RORA: variants seen among roughly 807,000 people sequenced by gnomAD.
RORA encodes nuclear receptor ROR-alpha.
In RORA, 7 loss-of-function variants were observed where a neutral mutation model predicts 69.5. That is an observed-to-expected ratio of 0.10 (90% CI 0.06 to 0.19). The LOEUF is 0.19. Among genes scored for constraint, RORA ranks in the 10% least tolerant of loss-of-function variants. The pLI is 1.00. For missense variants in RORA, 457 were observed against 663.0 expected (o/e 0.69, Z 3.41); for synonymous variants, 261 against 240.8 (o/e 1.08, Z -0.78).
intron 1 of RORA, among the ~76,000 whole-genome samples, chr15:60,862,410 C>T (rs1430012065): frequency 6.6e-6 from 1 of 152,148 alleles, no homozygotes; most frequent in African/African-American, 2.4e-5. Context: ...GCAAGGAAGC[C>T]AATTACCCAG....
chr15:61,190,817 G>C (rs1323079332), intron 1 of RORA, among the ~76,000 whole-genome samples: 1 of 152,174 alleles, frequency 6.6e-6, no homozygotes, highest in East Asian at 1.9e-4. Context: ...GTATATTACA[G>C]AATGCTTGCA....
intron 3 of RORA, chr15:60,520,221 A>C (rs944358442): frequency 6.6e-6 from 1 of 152,164 alleles, no homozygotes; most frequent in Non-Finnish European, 1.5e-5. Context: ...TCATACCCAC[A>C]AGGAGAACTA....
rs1233218651 is a variant in RORA at position 61,128,386 on chromosome 15, A to G, written c.166+100667T>C. On this transcript the variant is annotated intron_variant, in intron 1 of 10. Transcript: ENST00000335670. The surrounding 1 kb of genome is among the most constrained non-coding windows in gnomAD (Gnocchi z 4.5). ...ATAAACTTAAAATCAGTCACATGAA[A>G]TGTGCAGGATCTCAAATGATGCTGT... Among the ~76,000 whole-genome samples the G allele has an allele frequency of 6.6e-6, 1 of 152,224 alleles. No individual in the cohort carries two copies. Among genetic ancestry groups the G allele is most frequent in the Non-Finnish European group, 1.5e-5 (1 of 68,048 alleles).
chr15:60,828,414 C>CAAGGG, intron 1 of RORA, among the ~76,000 whole-genome samples: 1 of 152,184 alleles, frequency 6.6e-6, no homozygotes, highest in Non-Finnish European at 1.5e-5. Context: ...ATGAGGAGGA[C>CAAGGG]AAGGGAAGGG....
chr15:60,632,413 C>T (rs1419953994), intron 2 of RORA, among the ~76,000 whole-genome samples: 2 of 152,084 alleles, frequency 1.3e-5, no homozygotes, highest in African/African-American at 4.8e-5. Flanking sequence ...GGCCTCACTA[C>T]CTATGTATTT....
At chr15:60,722,276 A>G (rs2071303963) in intron 1 of RORA, among the ~76,000 whole-genome samples, 1 of 152,266 alleles carries the variant, frequency 6.6e-6, no homozygotes, top group Non-Finnish European at 1.5e-5. Flanking sequence ...ATGTCATTAA[A>G]GAACTGAGCT....
At chr15:61,097,819 T>C (rs1379395242) in intron 1 of RORA, among the ~76,000 whole-genome samples, 11 of 152,186 alleles carry the variant, frequency 7.2e-5, no homozygotes, top group Non-Finnish European at 1.0e-4. Flanking sequence ...CAATGTACCA[T>C]TGCAGCTTTT....
chr15:60,739,692 C>T (rs2071548717), intron 1 of RORA, among the ~76,000 whole-genome samples: 1 of 152,124 alleles, frequency 6.6e-6, no homozygotes, highest in Non-Finnish European at 1.5e-5. Flanking sequence ...TACAAGTGCC[C>T]TGCCTCGGGG....
intron 1 of RORA, among the ~76,000 whole-genome samples, chr15:60,749,488 T>C (rs2071693339): frequency 3.3e-5 from 5 of 152,172 alleles, no homozygotes; most frequent in Admixed American, 3.3e-4. Context: ...AGGAGATTAA[T>C]TTACACTAGC....
intron 1 of RORA, among the ~76,000 whole-genome samples, chr15:61,034,790 A>G (rs1896371421): frequency 6.3e-4 from 1 of 1,580 alleles, no homozygotes; most frequent in Admixed American, 0.011. Context: ...TCACAGACCA[A>G]AAAAAAAAAA....
At position 61,008,213 on chromosome 15, in the gene RORA, G is replaced by A. The variant is rs1028086395; in HGVS notation, c.166+220840C>T. Among the ~76,000 whole-genome samples the A allele has an allele frequency of 6.9e-4, 104 of 150,776 alleles. 1 individual carries two copies. The East Asian group carries it at 0.019, about 27-fold the overall frequency. ...AAATTCTCTCTCTCTCTGTGTGTGT[G>A]TGTGTGTGTGTGTGTGTGTGTGTGT... On this transcript the variant is annotated intron_variant, in intron 1 of 10. Coordinates refer to ENST00000335670, the MANE Select transcript of RORA (RefSeq NM_134261.3).
In RORA at chr15:61,056,643, T is replaced by A. The variant is rs116234542; in HGVS notation, c.166+172410A>T. 2.5e-3 allele frequency among the ~76,000 whole-genome samples: 374 copies of A among 152,096 alleles called. 1 individual carries two copies. The highest frequency in any genetic ancestry group is 8.8e-3 in the African/African-American group (365 of 41,496). ...TGTCATCTAAACATGGTTCTAGAAATCAAAACAAATAGAAACATGAAAAGC... is the reference window on the plus strand; with the variant it reads ...TGTCATCTAAACATGGTTCTAGAAAACAAAACAAATAGAAACATGAAAAGC... On this transcript the variant is annotated intron_variant, in intron 1 of 10. Coordinates refer to ENST00000335670, the MANE Select transcript of RORA (RefSeq NM_134261.3).
rs1322181550 is a variant in RORA, at chr15:61,147,961, CACTAGGGGACTTGAAACAAAGGGTG to C, written c.166+81067_166+81091del. ...TTTTATCAGGAAGGTTATGGAGAGC[CACTAGGGGACTTGAAACAAAGGGTG>C]ACAGAAACTGTTTTGCTTCCAGAAG... On this transcript the variant is annotated intron_variant, in intron 1 of 10. Coordinates refer to ENST00000335670, the MANE Select transcript of RORA (RefSeq NM_134261.3). This position sits in a 1 kb window ranked among gnomAD's most constrained non-coding sequence, Gnocchi z 4.1. Among the ~76,000 whole-genome samples the C allele has an allele frequency of 6.6e-6, 1 of 151,580 alleles. No homozygotes were observed. The highest frequency in any genetic ancestry group is 1.5e-5 in the Non-Finnish European group (1 of 68,026).
At chr15:60,874,475 T>G (rs2073592214) in intron 1 of RORA, among the ~76,000 whole-genome samples, 1 of 152,188 alleles carries the variant, frequency 6.6e-6, no homozygotes, top group Non-Finnish European at 1.5e-5. Flanking sequence ...CAAGACTGTC[T>G]TTTGTAAGAC....
intron 2 of RORA, among the ~76,000 whole-genome samples, chr15:60,612,971 G>T (rs1270085177): frequency 2.0e-5 from 3 of 151,616 alleles, no homozygotes. Flanking sequence ...ATTTCCTAGA[G>T]AAGGAAACTG....
At chr15:61,098,383 C>A (rs180870231) in intron 1 of RORA, among the ~76,000 whole-genome samples, 2 of 151,902 alleles carry the variant, frequency 1.3e-5, no homozygotes, top group East Asian at 3.9e-4. Context: ...GCTTTGTCAC[C>A]CAGGCTGGAG....
chr15:60,687,942 A>G (rs1297667847), intron 1 of RORA, among the ~76,000 whole-genome samples: 1 of 152,216 alleles, frequency 6.6e-6, no homozygotes, highest in East Asian at 1.9e-4. Context: ...TCCGATCCTC[A>G]GTTTCCTCAT....
At chr15:60,958,167 T>C (rs1408227071) in intron 1 of RORA, among the ~76,000 whole-genome samples, 1 of 152,180 alleles carries the variant, frequency 6.6e-6, no homozygotes, top group Non-Finnish European at 1.5e-5. Flanking sequence ...ACAGAAGATG[T>C]TTGATATAAA....
intron 1 of RORA, among the ~76,000 whole-genome samples, chr15:60,996,754 C>A (rs1894553668): frequency 6.6e-6 from 1 of 152,046 alleles, no homozygotes; most frequent in Non-Finnish European, 1.5e-5. Context: ...ACTAAAAATA[C>A]AAAAAATTAG....
Sources: gnomAD v4.1 joint callset for allele counts (sites outside exome capture counted in the v4.1 genomes callset) on GRCh38, gnomAD v4.1.1 for gene constraint, Gnocchi (gnomAD v3.1) non-coding constraint, MANE v1.5 for transcripts, NCBI Gene and HGNC (gene_info 2026-07-23, HGNC 2026-07-21) for gene names.